Variants in HESX1 observed in about 807,000 individuals in gnomAD.
The protein encoded by HESX1 is HESX homeobox 1, also known as homeobox expressed in ES cells 1.
A neutral mutation model predicts 22.5 loss-of-function variants in HESX1; 11 were observed. The observed-to-expected ratio is 0.49, with a 90% CI of 0.31 to 0.81. The LOEUF is 0.81. Among genes scored for constraint, HESX1 ranks in the 30% least tolerant of loss-of-function variants. HESX1 has a pLI of 0.05. For missense variants in HESX1, 201 were observed against 212.6 expected (o/e 0.95, Z 0.34); for synonymous variants, 74 against 76.5 (o/e 0.97, Z 0.17).
At chr3:57,208,498 T>C (rs1363192253) in intron 1 of HESX1, among the ~76,000 whole-genome samples, 2 of 151,766 alleles carry the variant, frequency 1.3e-5, no homozygotes, top group Admixed American at 6.6e-5. Context: ...AGGCGTGTGC[T>C]ACCATACCCG....
At chr3:57,214,177 A>C (rs1309514941) in intron 1 of HESX1, among the ~76,000 whole-genome samples, 4 of 152,240 alleles carry the variant, frequency 2.6e-5, no homozygotes, top group Non-Finnish European at 5.9e-5. Flanking sequence ...TTGCTTTCAA[A>C]TATTTTAGGA....
chr3:57,200,910 C>A (rs1054641673), upstream of HESX1, among the ~76,000 whole-genome samples: 2 of 152,130 alleles, frequency 1.3e-5, no homozygotes, highest in African/African-American at 4.8e-5. Flanking sequence ...ATTTCATAAT[C>A]CTAAGAAAAC....
At chr3:57,202,506 T>C (rs536453905), upstream of HESX1, among the ~76,000 whole-genome samples, 5 of 152,206 alleles carry the variant, frequency 3.3e-5, no homozygotes, top group African/African-American at 1.2e-4. Flanking sequence ...TGGCTAATTT[T>C]TGTATTTTTA....
upstream of HESX1, among the ~76,000 whole-genome samples, chr3:57,201,987 C>T (rs901111653): frequency 5.9e-5 from 9 of 151,360 alleles, no homozygotes; most frequent in Non-Finnish European, 1.2e-4. Context: ...GGTGTGATCT[C>T]GGCTCACGGC....
At position 57,197,876 on chromosome 3, in the gene HESX1, A is replaced by G. The variant is rs2060456775; in HGVS notation, c.*321T>C. On this transcript the variant is annotated 3_prime_UTR_variant, in exon 4 of 4. Transcript: ENST00000295934. ...ATTATTTTACTTGAAATACTTTATA[A>G]TTAGAATCCAGCTTGTGGAATCACT... is the stretch of plus-strand genomic sequence containing the variant. 1 of 188,474 alleles carries G rather than the reference A, an allele frequency of 5.3e-6. No homozygotes were observed. The highest frequency in any genetic ancestry group is 1.1e-5 in the Non-Finnish European group (1 of 91,688). 11.7% of individuals were successfully genotyped at this position (188,474 alleles called of 1,614,324 possible).
At chr3:57,199,638 AT>A in intron 1 of HESX1, 123 bp downstream of exon 1, 1 of 556,196 alleles carries the variant, frequency 1.8e-6, no homozygotes, top group Non-Finnish European at 2.6e-6. Flanking sequence ...AAAAAAAATA[AT>A]AAATAATAAT....
intron 1 of HESX1, among the ~76,000 whole-genome samples, chr3:57,218,416 T>C (rs537989680): frequency 4.7e-4 from 71 of 151,870 alleles, no homozygotes; most frequent in African/African-American, 1.5e-3. Flanking sequence ...TCTATCCATG[T>C]TTGGAAAGGA....
chr3:57,224,058 T>C (rs555654644), intron 1 of HESX1, among the ~76,000 whole-genome samples: 7 of 152,274 alleles, frequency 4.6e-5, no homozygotes, highest in Admixed American at 4.6e-4. Context: ...AGTGGTGTGA[T>C]TTCGGCTCAC....
chr3:57,199,081 C>T (rs1193094274), intron 1 of HESX1, 129 bp from the exon 2 acceptor site: 3 of 814,714 alleles, frequency 3.7e-6, no homozygotes, highest in South Asian at 1.6e-5. Context: ...AGAATTGCAC[C>T]CCGTTAACCA....
At chr3:57,199,414 T>C (rs1338263029) in intron 1 of HESX1, among the ~76,000 whole-genome samples, 1 of 151,386 alleles carries the variant, frequency 6.6e-6, no homozygotes. Context: ...AGGTCAGGAG[T>C]TCGAGACTAG....
intron 1 of HESX1, among the ~76,000 whole-genome samples, chr3:57,220,331 A>T (rs2060608890): frequency 6.6e-6 from 1 of 152,162 alleles, no homozygotes; most frequent in South Asian, 2.1e-4. Flanking sequence ...AGTGAATGTG[A>T]TTTAGCTAAA....
upstream of HESX1, among the ~76,000 whole-genome samples, chr3:57,204,910 A>G (rs1432937273): frequency 6.6e-6 from 1 of 152,178 alleles, no homozygotes; most frequent in African/African-American, 2.4e-5. Flanking sequence ...GGTACTGGAA[A>G]AGGAGCAGCT....
intron 1 of HESX1, among the ~76,000 whole-genome samples, chr3:57,220,575 G>A (rs758495719): frequency 1.8e-4 from 28 of 151,832 alleles, no homozygotes; most frequent in South Asian, 4.2e-4. Flanking sequence ...GATTACAGGC[G>A]TGCACCACCA....
Position 57,198,472 on chromosome 3 carries a change from G to T in HESX1, c.378C>A (p.Val126=). The change falls in exon 3 of 4, where the codon GTC becomes GTA. Residue 126 remains valine (V), a synonymous_variant. Coordinates refer to ENST00000295934, the MANE Select transcript of HESX1 (RefSeq NM_003865.3). ...TQNQIEVLEN[V]FRVNCYPGID... ...TACCAGGATAGCAGTTTACTCTAAAGACATTTTCTAACACTTCAATCTAAG... is the reference window on the plus strand; with the variant it reads ...TACCAGGATAGCAGTTTACTCTAAATACATTTTCTAACACTTCAATCTAAG... The T allele has an allele frequency of 6.3e-7, 1 of 1,595,032 alleles. No individual in the cohort carries two copies. Among genetic ancestry groups the T allele is most frequent in the Non-Finnish European group, 8.6e-7 (1 of 1,164,800 alleles).
chr3:57,207,481 G>C (rs2060526340), intron 1 of HESX1, among the ~76,000 whole-genome samples: 1 of 152,206 alleles, frequency 6.6e-6, no homozygotes, highest in African/African-American at 2.4e-5. Flanking sequence ...GAATAGCAGT[G>C]TAATGAGAAG....
chr3:57,207,433 G>A (rs1277883044), intron 1 of HESX1, among the ~76,000 whole-genome samples: 1 of 152,140 alleles, frequency 6.6e-6, no homozygotes, highest in Non-Finnish European at 1.5e-5. Context: ...CTACTGTCTG[G>A]ATTGTGGACA....
At chr3:57,226,197 TAC>T (rs1438761514) in intron 1 of HESX1, 1 of 152,064 alleles carries the variant, frequency 6.6e-6, no homozygotes, top group Non-Finnish European at 1.5e-5. Flanking sequence ...TTCTTTCTTA[TAC>T]ATTGTTTACA....
At chr3:57,211,541 A>G (rs529920498) in intron 1 of HESX1, among the ~76,000 whole-genome samples, 1 of 148,014 alleles carries the variant, frequency 6.8e-6, no homozygotes, top group Non-Finnish European at 1.5e-5. Context: ...AAAAAAAAAA[A>G]AAAAAAAAAA....
intron 1 of HESX1, 25 bp downstream of exon 1, chr3:57,199,737 T>A: frequency 6.2e-7 from 1 of 1,612,464 alleles, no homozygotes; most frequent in East Asian, 2.2e-5. Context: ...TAACAAAGAA[T>A]TGAAACAATT....
Sources: gnomAD v4.1 joint callset for allele counts (sites outside exome capture counted in the v4.1 genomes callset) on GRCh38, gnomAD v4.1.1 for gene constraint, MANE v1.5 for transcripts, NCBI Gene and HGNC (gene_info 2026-07-23, HGNC 2026-07-21) for gene names.